NOL4L: variants seen among roughly 807,000 people sequenced by gnomAD.
NOL4L encodes the protein nucleolar protein 4-like.
A neutral mutation model predicts 64.5 loss-of-function variants in NOL4L; 7 were observed. That is an observed-to-expected ratio of 0.11 (90% CI 0.06 to 0.20). The LOEUF (loss-of-function observed/expected upper bound fraction) is 0.20. Ranked by LOEUF, NOL4L falls within the 10% of genes least tolerant of loss-of-function variation. NOL4L has a pLI of 1.00. For synonymous variants in NOL4L, 413 were observed against 401.0 expected (o/e 1.03, Z -0.36); for missense variants, 680 against 967.1 (o/e 0.70, Z 3.94).
intron 1 of NOL4L, among the ~76,000 whole-genome samples, chr20:32,531,212 C>A (rs1245183652): frequency 6.6e-6 from 1 of 152,020 alleles, no homozygotes; most frequent in African/African-American, 2.4e-5. Context: ...GACCAGAACA[C>A]AGATATTTCT....
rs751187638 is a variant in NOL4L at position 32,453,752 on chromosome 20, AG to A, written c.1128del (p.Tyr377ThrfsTer20). 3 of 1,552,064 alleles carry A rather than the reference AG, an allele frequency of 1.9e-6. No individual in the cohort carries two copies. The highest frequency in any genetic ancestry group is 1.4e-5 in the African/African-American group (1 of 73,042). ...YGVKTTPESP[P>X]YSSGSYDSIK... is the part of the protein sequence containing the mutation. ...ATGGAATCGTAGCTCCCAGAGCTGT[AG>A]GGGGGGGACTAAAAGGAGGGCAAGA... is the stretch of plus-strand genomic sequence containing the variant. On this transcript the variant is annotated frameshift_variant, in exon 7 of 11. Transcript: ENST00000621426. LOFTEE classifies it high-confidence loss of function. This position sits in a 1 kb window ranked among gnomAD's most constrained non-coding sequence, Gnocchi z 5.6.
At chr20:32,488,732 CTTTT>C (rs2016206220) in intron 4 of NOL4L, among the ~76,000 whole-genome samples, 1 of 150,788 alleles carries the variant, frequency 6.6e-6, no homozygotes. Context: ...TTCTTTCTTT[CTTTT>C]CTTTCTTTCT....
chr20:32,479,347 G>A (rs949358693), intron 4 of NOL4L, among the ~76,000 whole-genome samples: 2 of 152,208 alleles, frequency 1.3e-5, no homozygotes, highest in Non-Finnish European at 2.9e-5. Flanking sequence ...GTCACAGGGC[G>A]CTTTTTACTT....
chr20:32,502,745 T>C (rs945079349), intron 4 of NOL4L, among the ~76,000 whole-genome samples: 1 of 151,884 alleles, frequency 6.6e-6, no homozygotes, highest in South Asian at 2.1e-4. Context: ...ACCCCGTCTC[T>C]ACTAAAAATA....
At chr20:32,578,138 AGGAGGGAGGGAGGGAG>A (rs1203991256) in intron 1 of NOL4L, among the ~76,000 whole-genome samples, 920 of 50,238 alleles carry the variant, frequency 0.018, 31 homozygotes, top group African/African-American at 0.1. Flanking sequence ...GAAGGAAGGA[AGGAGGGAGGGAGGGAG>A]GGAGGGAGGG....
At chr20:32,535,662 C>T in intron 1 of NOL4L, 3 of 985,422 alleles carry the variant, frequency 3.0e-6, no homozygotes, top group African/African-American at 1.7e-5. Context: ...CAAACAACGG[C>T]GCTACATTTG....
At position 32,518,712 on chromosome 20, in the gene NOL4L, G is replaced by A. The variant is rs753996250; in HGVS notation, c.589+2099C>T. ...AAGGAACGGGAGGGGACAGGCGGAT[G>A]GGTGGGCAGGAACCAGGCAGTCACC... On this transcript the variant is annotated intron_variant, in intron 3 of 10. Coordinates refer to ENST00000621426, the MANE Select transcript of NOL4L (RefSeq NM_001256798.2). Among the ~76,000 whole-genome samples the A allele has an allele frequency of 1.2e-4, 19 of 152,362 alleles. No individual in the cohort carries two copies. The South Asian group carries it at 2.7e-3, about 22-fold the overall frequency.
In NOL4L at chr20:32,478,273, A is replaced by ACACACTCT. The variant is rs1373957221; in HGVS notation, c.700-3532_700-3531insAGAGTGTG. The stretch of plus-strand genomic sequence containing the variant: ...CACACACACACACACACACACACAC[A>ACACACTCT]CTCTCTCTCTCTCTCTCTCATGCAT... On this transcript the variant is annotated intron_variant, in intron 4 of 10. Coordinates refer to ENST00000621426, the MANE Select transcript of NOL4L (RefSeq NM_001256798.2). Among the ~76,000 whole-genome samples the ACACACTCT allele has an allele frequency of 2.8e-3, 405 of 143,416 alleles. 2 individuals carry two copies. The highest frequency in any genetic ancestry group is 0.01 in the African/African-American group (390 of 37,988). The allele number at this position is 143,416 out of a possible 152,430, so 94.1% of individuals were successfully genotyped here. A position where few individuals can be genotyped will look rare whatever the true frequency, so the allele number is the denominator to read the frequency against.
intron 4 of NOL4L, among the ~76,000 whole-genome samples, chr20:32,500,941 G>T (rs1386781615): frequency 1.3e-5 from 2 of 152,110 alleles, no homozygotes; most frequent in Non-Finnish European, 1.5e-5. Flanking sequence ...TTAATAAGTG[G>T]GGGAGGAGAA....
At chr20:32,457,525 C>T (rs2013664036) in intron 5 of NOL4L, among the ~76,000 whole-genome samples, 1 of 151,770 alleles carries the variant, frequency 6.6e-6, no homozygotes, top group Non-Finnish European at 1.5e-5. Flanking sequence ...ACTGGGCACG[C>T]GCACCTCCAG....
chr20:32,520,305 A>C (rs159058), intron 3 of NOL4L: 66,317 of 150,600 alleles, frequency 0.44, 16,714 homozygotes, highest in East Asian at 0.99. Flanking sequence ...AAAAAAAATT[A>C]TCATCAGTAC....
At chr20:32,480,138 G>C (rs1399748644) in intron 4 of NOL4L, among the ~76,000 whole-genome samples, 3 of 152,194 alleles carry the variant, frequency 2.0e-5, no homozygotes, top group African/African-American at 4.8e-5. Flanking sequence ...TCTGGAACTG[G>C]GTTCCTGGTG....
chr20:32,564,571 G>C (rs1335240828), intron 1 of NOL4L, among the ~76,000 whole-genome samples: 1 of 152,236 alleles, frequency 6.6e-6, no homozygotes, highest in Non-Finnish European at 1.5e-5. Flanking sequence ...AGGGCAGAAA[G>C]CTACAGAATG....
In NOL4L at chr20:32,520,925, GGAGGA is replaced by G; in HGVS notation, c.478-8_478-4del. ...AGGAAGGCATAGGTCTCTGCGATCT[GGAGGA>G]GAGAAGAGCTTCGCTTGTTATATGG... On this transcript the variant is annotated splice_polypyrimidine_tract_variant and splice_region_variant and intron_variant, in intron 2 of 10. Transcript: ENST00000621426. 2 of 1,542,160 alleles carry G rather than the reference GGAGGA, an allele frequency of 1.3e-6. No homozygotes were observed. The highest frequency in any genetic ancestry group is 1.8e-6 in the Non-Finnish European group (2 of 1,139,906).
chr20:32,582,584 G>T (rs1399860584), intron 1 of NOL4L, among the ~76,000 whole-genome samples: 1 of 152,108 alleles, frequency 6.6e-6, no homozygotes, highest in Non-Finnish European at 1.5e-5. Flanking sequence ...TGCCAGGTCT[G>T]GGGGGTCACC....
chr20:32,497,016 C>T (rs1342536106), intron 4 of NOL4L, among the ~76,000 whole-genome samples: 1 of 121,238 alleles, frequency 8.2e-6, no homozygotes, highest in Non-Finnish European at 1.6e-5. Flanking sequence ...ACAAAGCAGA[C>T]AGCACAAATT....
chr20:32,575,523 T>C (rs1980040106), intron 1 of NOL4L, among the ~76,000 whole-genome samples: 1 of 152,188 alleles, frequency 6.6e-6, no homozygotes, highest in Non-Finnish European at 1.5e-5. Context: ...AGGGTGGGTC[T>C]GCGCCCTGGG....
intron 1 of NOL4L, among the ~76,000 whole-genome samples, chr20:32,562,158 A>G (rs1979065619): frequency 6.6e-6 from 1 of 152,052 alleles, no homozygotes; most frequent in Non-Finnish European, 1.5e-5. Flanking sequence ...TCCACAGTCC[A>G]CTCACTGGCC....
chr20:32,537,193 C>CGCGGAGGGT, intron 1 of NOL4L: 1 of 857,642 alleles, frequency 1.2e-6, no homozygotes, highest in Non-Finnish European at 1.4e-6. Context: ...CCTCACAGAC[C>CGCGGAGGGT]CTCCGCGGTC....
Sources: allele counts gnomAD v4.1 joint callset (sites outside exome capture counted in the v4.1 genomes callset), GRCh38; gene constraint gnomAD v4.1.1; non-coding constraint Gnocchi (gnomAD v3.1); transcripts MANE v1.5; gene names NCBI Gene and HGNC (gene_info 2026-07-23, HGNC 2026-07-21).